NXPH1: variants seen among roughly 807,000 people sequenced by gnomAD.
The protein encoded by NXPH1 is neurexophilin 1, also known as neurexophilin-1.
A neutral mutation model predicts 23.7 loss-of-function variants in NXPH1; 5 were observed. That is an observed-to-expected ratio of 0.21 (90% CI 0.11 to 0.44). The LOEUF (loss-of-function observed/expected upper bound fraction) is 0.44, where lower values mean the gene tolerates loss of function less well. NXPH1 is among the 20% of genes least tolerant of loss of function. The pLI, the probability that NXPH1 is intolerant of heterozygous loss-of-function variation, is 0.99. For missense variants in NXPH1, 324 were observed against 321.6 expected, an observed-to-expected ratio of 1.01 and a Z score of -0.06; for synonymous variants, 144 against 122.2, an observed-to-expected ratio of 1.18 and a Z score of -1.18.
intron 2 of NXPH1, among the ~76,000 whole-genome samples, chr7:8,742,597 A>AGCTG (rs1780386357): frequency 8.5e-6 from 1 of 118,324 alleles, no homozygotes; most frequent in Non-Finnish European, 2.0e-5. Context: ...TGTAATTTAT[A>AGCTG]AAATAGACAC....
At chr7:8,565,141 C>T (rs2128621207) in intron 2 of NXPH1, among the ~76,000 whole-genome samples, 1 of 151,836 alleles carries the variant, frequency 6.6e-6, no homozygotes, top group South Asian at 2.1e-4. Flanking sequence ...TATTTTCTTT[C>T]TCGTAGTTTT....
chr7:8,644,421 G>A (rs1820363467), intron 2 of NXPH1, among the ~76,000 whole-genome samples: 1 of 152,148 alleles, frequency 6.6e-6, no homozygotes, highest in Admixed American at 6.6e-5. Flanking sequence ...CTTTCTCTCA[G>A]GCCTACTTTC....
chr7:8,542,470 T>C (rs910351684), intron 2 of NXPH1, among the ~76,000 whole-genome samples: 1 of 151,492 alleles, frequency 6.6e-6, no homozygotes, highest in South Asian at 2.1e-4. Context: ...AACCAAAAAA[T>C]TGATCTAATC....
intron 2 of NXPH1, among the ~76,000 whole-genome samples, chr7:8,653,842 T>C (rs181464529): frequency 5.1e-4 from 77 of 152,324 alleles, no homozygotes; most frequent in African/African-American, 1.8e-3. Context: ...TTTTCTTGTT[T>C]TCATTTCTTA....
At chr7:8,483,598 C>T (rs1043092447) in intron 2 of NXPH1, among the ~76,000 whole-genome samples, 1 of 152,094 alleles carries the variant, frequency 6.6e-6, no homozygotes, top group Non-Finnish European at 1.5e-5. Context: ...CGTGCACCAC[C>T]ACACCTGGCT....
chr7:8,471,014 T>G (rs17404218), intron 2 of NXPH1, among the ~76,000 whole-genome samples: 56,667 of 151,906 alleles, frequency 0.37, 11,096 homozygotes, highest in East Asian at 0.63. Flanking sequence ...TAATTGGAAC[T>G]TCTTGGGTTT....
At chr7:8,679,096 C>T (rs1238175251) in intron 2 of NXPH1, among the ~76,000 whole-genome samples, 1 of 151,566 alleles carries the variant, frequency 6.6e-6, no homozygotes, top group Non-Finnish European at 1.5e-5. Flanking sequence ...TATAGGCGCC[C>T]ACCACCACGC....
At chr7:8,646,267 T>A (rs996695349) in intron 2 of NXPH1, among the ~76,000 whole-genome samples, 5 of 152,260 alleles carry the variant, frequency 3.3e-5, no homozygotes, top group Admixed American at 3.3e-4. Context: ...TTATTAGAGA[T>A]ACATTTTTAA....
chr7:8,445,882 T>A (rs1291776615), intron 2 of NXPH1, among the ~76,000 whole-genome samples: 1 of 152,198 alleles, frequency 6.6e-6, no homozygotes, highest in Non-Finnish European at 1.5e-5. Flanking sequence ...AGCTACAGAA[T>A]GAAAGTAATT....
At chr7:8,691,758 G>T (rs989579005) in intron 2 of NXPH1, among the ~76,000 whole-genome samples, 18 of 152,118 alleles carry the variant, frequency 1.2e-4, no homozygotes, top group South Asian at 2.1e-4. Context: ...GAGTAAGATA[G>T]GCATGTTCTC....
At chr7:8,570,579 G>T (rs541830651) in intron 2 of NXPH1, among the ~76,000 whole-genome samples, 3 of 151,906 alleles carry the variant, frequency 2.0e-5, no homozygotes, top group Non-Finnish European at 4.4e-5. Context: ...GGTGTTGGGG[G>T]TTTTTACTGA....
At chr7:8,525,507 G>A (rs928246639) in intron 2 of NXPH1, among the ~76,000 whole-genome samples, 9 of 152,164 alleles carry the variant, frequency 5.9e-5, no homozygotes, top group African/African-American at 1.7e-4. Context: ...AAGACCATGG[G>A]GAAAATGTCT....
At chr7:8,598,651 G>T (rs1819284525) in intron 2 of NXPH1, among the ~76,000 whole-genome samples, 1 of 152,134 alleles carries the variant, frequency 6.6e-6, no homozygotes, top group Admixed American at 6.6e-5. Context: ...AAGTATATTT[G>T]TACAGCGTCA....
chr7:8,702,091 A>G (rs1779633452), intron 2 of NXPH1, among the ~76,000 whole-genome samples: 1 of 150,674 alleles, frequency 6.6e-6, no homozygotes, highest in Non-Finnish European at 1.5e-5. Flanking sequence ...TGTTATGTTG[A>G]TTTAGTTTTA....
intron 2 of NXPH1, among the ~76,000 whole-genome samples, chr7:8,665,922 T>C (rs936317235): frequency 2.0e-5 from 3 of 148,670 alleles, no homozygotes; most frequent in Non-Finnish European, 3.0e-5. Flanking sequence ...CTTTTTCTTT[T>C]TTTTTTTTTT....
chr7:8,730,996 G>T (rs1320777230), intron 2 of NXPH1, among the ~76,000 whole-genome samples: 1 of 144,992 alleles, frequency 6.9e-6, no homozygotes, highest in African/African-American at 2.6e-5. Flanking sequence ...CGTAGATTTG[G>T]TCTTTTCACA....
chr7:8,656,507 GTTTT>G lies in NXPH1; in HGVS notation c.55-94486_55-94483del, dbSNP rs200902214. 4.2e-3 allele frequency among the ~76,000 whole-genome samples: 570 copies of G among 136,770 alleles called. 1 individual carries two copies. Among genetic ancestry groups the G allele is most frequent in the African/African-American group, 6.7e-3 (239 of 35,616 alleles). The allele number at this position is 136,770 out of a possible 152,430, so 89.7% of individuals were successfully genotyped here. A position where few individuals can be genotyped will look rare whatever the true frequency, so the allele number is the denominator to read the frequency against. ...ATAACTCACAAACTGTAGAGTTAAT[GTTTT>G]TTTTTTTTTTTTTTCAGAGGGTGGT... On this transcript the variant is annotated intron_variant, in intron 2 of 2. Transcript: ENST00000405863.
intron 2 of NXPH1, among the ~76,000 whole-genome samples, chr7:8,477,984 A>G (rs1817006105): frequency 6.6e-6 from 1 of 152,032 alleles, no homozygotes; most frequent in African/African-American, 2.4e-5. Context: ...AATCATTAAT[A>G]ATCTTGTTAA....
chr7:8,613,735 C>T lies in NXPH1; in HGVS notation c.55-137273C>T, dbSNP rs10250509. The stretch of plus-strand genomic sequence containing the variant: ...GACTTTGATTATCTATATTTTATAT[C>T]TCATAGTGTTTTTTAAGGTAACTGG... On this transcript the variant is annotated intron_variant, in intron 2 of 2. Transcript: ENST00000405863. Among the ~76,000 whole-genome samples, 1,372 of 151,850 alleles carry T rather than the reference C, an allele frequency of 9.0e-3. 22 individuals are homozygous for T. The highest frequency in any genetic ancestry group is 0.031 in the African/African-American group (1,306 of 41,474).
Sources: gnomAD v4.1 joint callset for allele counts (sites outside exome capture counted in the v4.1 genomes callset) on GRCh38, gnomAD v4.1.1 for gene constraint, MANE v1.5 for transcripts, NCBI Gene and HGNC (gene_info 2026-07-23, HGNC 2026-07-21) for gene names.